Variants in SCAND3 observed in about 807,000 individuals in gnomAD.
SCAND3 encodes SCAN domain-containing protein 3.
the SCAND3 span, chr6:28,575,657 T>C: frequency 6.2e-7 from 1 of 1,614,204 alleles, no homozygotes; most frequent in South Asian, 1.1e-5. The surrounding 1 kb of genome is among the most constrained non-coding windows in gnomAD (Gnocchi z 4.2). Context: ...TGGCATGGTT[T>C]ACAGAGGGTC....
chr6:28,573,036 C>A, the SCAND3 span: 2 of 1,612,284 alleles, frequency 1.2e-6, no homozygotes, highest in Non-Finnish European at 1.7e-6. Context: ...CAATATAATT[C>A]TTTACAGCTT....
At chr6:28,589,844 GTTTT>G in the SCAND3 span, 1 of 123,804 alleles carries the variant, frequency 8.1e-6, no homozygotes, top group Admixed American at 8.5e-5. Flanking sequence ...TCTTTTGTTT[GTTTT>G]TTTGTTTGTT....
the SCAND3 span, among the ~76,000 whole-genome samples, chr6:28,595,276 G>GAT: frequency 8.9e-5 from 12 of 134,144 alleles, no homozygotes; most frequent in Admixed American, 2.4e-4. Flanking sequence ...GAGTCTGGGA[G>GAT]GTGGAGGATC....
chr6:28,594,002 G>C, the SCAND3 span, among the ~76,000 whole-genome samples: 4 of 152,224 alleles, frequency 2.6e-5, no homozygotes, highest in African/African-American at 9.6e-5. Context: ...TTACAGACGT[G>C]ACCCACCACA....
At chr6:28,594,360 A>G in the SCAND3 span, 2 of 152,266 alleles carry the variant, frequency 1.3e-5, no homozygotes, top group African/African-American at 2.4e-5. Context: ...GGATATATAA[A>G]GAAAATGTGC....
the SCAND3 span, among the ~76,000 whole-genome samples, chr6:28,579,785 GC>G: frequency 6.6e-6 from 1 of 152,216 alleles, no homozygotes; most frequent in Non-Finnish European, 1.5e-5. The surrounding 1 kb of genome is among the most constrained non-coding windows in gnomAD (Gnocchi z 4.5). Context: ...AGTGGCTCAT[GC>G]CTGTAATCCC....
chr6:28,604,634 T>A, the SCAND3 span, among the ~76,000 whole-genome samples: 6 of 151,322 alleles, frequency 4.0e-5, no homozygotes, highest in African/African-American at 9.7e-5. Flanking sequence ...AAAAAAAAAA[T>A]TTAACTATTA....
the SCAND3 span, chr6:28,573,136 T>C: frequency 2.5e-6 from 4 of 1,612,270 alleles, no homozygotes; most frequent in Non-Finnish European, 3.4e-6. Flanking sequence ...AAACCTCACA[T>C]AGACTAAAAG....
the SCAND3 span, chr6:28,574,906 A>G: frequency 1.9e-6 from 3 of 1,613,868 alleles, no homozygotes; most frequent in African/African-American, 4.0e-5. Flanking sequence ...ACAGGATAAA[A>G]ATCTTAGTCT....
chr6:28,608,988 T>C, the SCAND3 span, among the ~76,000 whole-genome samples: 2 of 151,696 alleles, frequency 1.3e-5, no homozygotes, highest in African/African-American at 2.4e-5. Flanking sequence ...AGCGAAACAC[T>C]GTCTGAAAAA....
chr6:28,586,959 C>T, the SCAND3 span: 1 of 522,052 alleles, frequency 1.9e-6, no homozygotes. The surrounding 1 kb of genome is among the most constrained non-coding windows in gnomAD (Gnocchi z 4.4). Flanking sequence ...ATAGTGAGCA[C>T]AGAGCGACTC....
chr6:28,577,690 G>A, the SCAND3 span, among the ~76,000 whole-genome samples: 1 of 152,138 alleles, frequency 6.6e-6, no homozygotes, highest in Non-Finnish European at 1.5e-5. Context: ...ATGGGGAACT[G>A]AGGACTGAAC....
At chr6:28,573,799 A>G in the SCAND3 span, 1 of 1,544,096 alleles carries the variant, frequency 6.5e-7, no homozygotes, top group African/African-American at 1.4e-5. Context: ...TTTCTTGACA[A>G]AAAAGTCCAG....
chr6:28,607,519 G>GTTTTTTT, the SCAND3 span, among the ~76,000 whole-genome samples: 1 of 149,314 alleles, frequency 6.7e-6, no homozygotes, highest in Non-Finnish European at 1.5e-5. Context: ...TTTATTCACT[G>GTTTTTTT]TTTTTTTTTT....
chr6:28,592,495 C>T, the SCAND3 span, among the ~76,000 whole-genome samples: 1 of 152,084 alleles, frequency 6.6e-6, no homozygotes, highest in African/African-American at 2.4e-5. This position sits in a 1 kb window ranked among gnomAD's most constrained non-coding sequence, Gnocchi z 4.1. Context: ...AAAATGTCTA[C>T]ACTACCCAAA....
chr6:28,598,744 G>A, the SCAND3 span, among the ~76,000 whole-genome samples: 3 of 147,542 alleles, frequency 2.0e-5, no homozygotes, highest in Non-Finnish European at 4.5e-5. Flanking sequence ...GAGTGCGGCG[G>A]CGCGCACTTG....
At chr6:28,582,805 C>T in the SCAND3 span, among the ~76,000 whole-genome samples, 4 of 151,902 alleles carry the variant, frequency 2.6e-5, no homozygotes, top group Non-Finnish European at 4.4e-5. The surrounding 1 kb of genome is among the most constrained non-coding windows in gnomAD (Gnocchi z 4.8). Flanking sequence ...CCTGTAAATC[C>T]CAGCTACTTA....
At chr6:28,597,987 G>A in the SCAND3 span, 1 of 152,162 alleles carries the variant, frequency 6.6e-6, no homozygotes, top group Non-Finnish European at 1.5e-5. Flanking sequence ...TGCAGCAATG[G>A]GTCAAAACGG....
the SCAND3 span, among the ~76,000 whole-genome samples, chr6:28,608,758 A>T: frequency 6.6e-6 from 1 of 152,160 alleles, no homozygotes; most frequent in Non-Finnish European, 1.5e-5. Flanking sequence ...CAGAAATTTG[A>T]AAAGCTGAGG....
Sources: allele counts gnomAD v4.1 joint callset (sites outside exome capture counted in the v4.1 genomes callset), GRCh38; gene constraint gnomAD v4.1.1; non-coding constraint Gnocchi (gnomAD v3.1); transcripts MANE v1.5; gene names NCBI Gene and HGNC (gene_info 2026-07-23, HGNC 2026-07-21).